The following FCRLB variants were observed in gnomAD, a reference collection of about 807,000 sequenced individuals.
FCRLB encodes Fc receptor-like B.
FCRLB carries 34 observed loss-of-function variants against 33.6 expected under a neutral mutation model. That is an observed-to-expected ratio of 1.01 (90% confidence interval 0.77 to 1.35). The LOEUF is 1.35. Ranked by LOEUF, FCRLB falls within the 40% of genes most tolerant of loss-of-function variation. FCRLB has a pLI of 0.00. For missense variants in FCRLB, 560 were observed against 580.2 expected, an observed-to-expected ratio of 0.97 and a Z score of 0.36; for synonymous variants, 280 against 255.9, an observed-to-expected ratio of 1.09 and a Z score of -0.90.
chr1:161,727,727 A>G (rs1259630843), exon 8 of FCRLB: 53 of 1,485,002 alleles, frequency 3.6e-5, no homozygotes, highest in Non-Finnish European at 4.7e-5. Flanking sequence ...CCTCACGCGA[A>G]TTTCTTTCAA....
At chr1:161,723,251 G>C in intron 4 of FCRLB, 116 bp from the exon 5 acceptor site, 1 of 1,319,526 alleles carries the variant, frequency 7.6e-7, no homozygotes, top group East Asian at 2.3e-5. Flanking sequence ...TAGTACATGG[G>C]CTGGGGCCTG....
rs752038802 is a variant in FCRLB, at chr1:161,726,920, G to A, written c.792G>A (p.Ser264=). 2 of 1,575,094 alleles carry A rather than the reference G, an allele frequency of 1.3e-6. No homozygotes were observed. The highest frequency in any genetic ancestry group is 1.8e-5 in the Admixed American group (1 of 54,194). ...AGCCCGAGGTCGAGGAGCTCGAATC[G>A]TACTGGTGCGAGGCGGCTACCGCCA... is the stretch of plus-strand genomic sequence containing the variant. Residue 264 remains serine, a synonymous_variant, in exon 7 of 8, where the codon TCG becomes TCA. Coordinates refer to ENST00000367948, the Ensembl canonical transcript of FCRLB. The surrounding 1 kb of genome is among the most constrained non-coding windows in gnomAD (Gnocchi z 5.2).
At position 161,727,304 on chromosome 1, in the gene FCRLB, C is replaced by T. The variant is rs578223998; in HGVS notation, c.923C>T (p.Ala308Val). 6.5e-5 allele frequency: 105 copies of T among 1,613,692 alleles called. No homozygotes were observed. The South Asian group carries it at 1.1e-3, about 17-fold the overall frequency. The change falls in exon 8 of 8, where the codon GCT becomes GTT. Residue 308 changes from alanine (A) to valine (V), a missense_variant. Physicochemically the swap from Ala to Val is moderately conservative, Grantham distance 64 (BLOSUM62 0). Transcript: ENST00000367948. ...CCAGCTCCATGGGCCGCAGCCTTGG[C>T]TCCTGGTAATAGGCCGCTTTCCTTC...
In FCRLB at chr1:161,723,012, G is replaced by A; in HGVS notation, c.52+3G>A. ...AGTTCCAAGCAGTGGGCAAGCTGGT[G>A]AGTCTTATAAATTTCTCATCCCAAT... On this transcript the variant is annotated splice_donor_region_variant and intron_variant, in intron 4 of 7. Coordinates refer to ENST00000367948, the Ensembl canonical transcript of FCRLB. 6.2e-7 allele frequency: 1 copy of A among 1,613,848 alleles called. No homozygotes were observed. The highest frequency in any genetic ancestry group is 8.5e-7 in the Non-Finnish European group (1 of 1,179,998).
In FCRLB at chr1:161,726,545, T is replaced by C. The variant is rs1438459040; in HGVS notation, c.575-158T>C. 6.5e-6 allele frequency: 7 copies of C among 1,075,558 alleles called. No individual in the cohort carries two copies. The highest frequency in any genetic ancestry group is 9.6e-6 in the Non-Finnish European group (7 of 727,216). 66.6% of individuals were successfully genotyped at this position (1,075,558 alleles called of 1,614,324 possible). On this transcript the variant is annotated intron_variant, in intron 6 of 7. Transcript: ENST00000367948. The surrounding 1 kb of genome is among the most constrained non-coding windows in gnomAD (Gnocchi z 5.2). ...GTGGACTCGGTCCCCCTGCCCCACA[T>C]TTCAGAAGGCTCCCCTTCCCCCTCC...
chr1:161,723,263 G>A, intron 4 of FCRLB, 104 bp from the exon 5 acceptor site: 1 of 1,424,808 alleles, frequency 7.0e-7, no homozygotes, highest in Non-Finnish European at 9.7e-7. Flanking sequence ...TGGGGCCTGC[G>A]AGCTGGGGTT....
At chr1:161,724,331 T>C (rs1468288931) in intron 5 of FCRLB, among the ~76,000 whole-genome samples, 1 of 151,192 alleles carries the variant, frequency 6.6e-6, no homozygotes, top group Non-Finnish European at 1.5e-5. Context: ...GGCTCAAGCC[T>C]GTGATCCCAG....
At chr1:161,722,768 G>C (rs1161794852) in intron 3 of FCRLB, 65 bp downstream of exon 3, 1 of 1,592,212 alleles carries the variant, frequency 6.3e-7, no homozygotes, top group Admixed American at 1.7e-5. Flanking sequence ...CCAAGGTATG[G>C]GGAGAGGAGG....
intron 5 of FCRLB, among the ~76,000 whole-genome samples, chr1:161,724,483 G>A (rs1454322495): frequency 6.6e-6 from 1 of 151,050 alleles, no homozygotes; most frequent in Non-Finnish European, 1.5e-5. Flanking sequence ...TGTAGTCCCA[G>A]CTACTCAGGA....
chr1:161,727,097 C>G (rs1357199418), intron 7 of FCRLB, 104 bp downstream of exon 7: 11 of 1,335,554 alleles, frequency 8.2e-6, no homozygotes, highest in Non-Finnish European at 1.1e-5. Flanking sequence ...CCGTCCCGCC[C>G]CCCGCCTTTC....
chr1:161,726,924 T>C lies in FCRLB; in HGVS notation c.796T>C (p.Trp266Arg), dbSNP rs1683597312. The C allele has an allele frequency of 6.4e-7, 1 of 1,568,080 alleles. No individual in the cohort carries two copies. Among genetic ancestry groups the C allele is most frequent in the Non-Finnish European group, 8.6e-7 (1 of 1,156,888 alleles). ...CGAGGTCGAGGAGCTCGAATCGTAC[T>C]GGTGCGAGGCGGCTACCGCCACCCG... The change falls in exon 7 of 8, where the codon TGG (tryptophan) becomes CGG (arginine). Residue 266 changes from tryptophan (W) to arginine (R), a missense_variant. Trp to Arg is a moderately radical substitution (Grantham distance 101). Transcript: ENST00000367948. The surrounding 1 kb of genome is among the most constrained non-coding windows in gnomAD (Gnocchi z 5.2).
chr1:161,723,756 T>G, intron 5 of FCRLB, 135 bp downstream of exon 5: 5 of 1,353,562 alleles, frequency 3.7e-6, no homozygotes, highest in Non-Finnish European at 5.0e-6. Flanking sequence ...CTTAAGTCTC[T>G]GGAGCAGGTA....
chr1:161,725,999 C>T (rs1252905061), exon 6 of FCRLB: 1 of 1,614,188 alleles, frequency 6.2e-7, no homozygotes, highest in East Asian at 2.2e-5. Flanking sequence ...GTGCCAGCGA[C>T]AGCGGGCGCT....
At chr1:161,724,095 A>G (rs1395853184) in intron 5 of FCRLB, among the ~76,000 whole-genome samples, 1 of 152,176 alleles carries the variant, frequency 6.6e-6, no homozygotes, top group Non-Finnish European at 1.5e-5. Flanking sequence ...CAATAATAGT[A>G]TGTATCTCTT....
chr1:161,722,976 T>C lies in FCRLB; in HGVS notation c.32-13T>C. 6.2e-7 allele frequency: 1 copy of C among 1,613,778 alleles called. No individual in the cohort carries two copies. The highest frequency in any genetic ancestry group is 8.5e-7 in the Non-Finnish European group (1 of 1,180,006). Reference sequence around the variant, plus strand: ...CTCCTTCTCCTTCCTCTTCCTTCTTTCCTGTTCTGCAGTTCCAAGCAGTGG... The same window carrying C: ...CTCCTTCTCCTTCCTCTTCCTTCTTCCCTGTTCTGCAGTTCCAAGCAGTGG... On this transcript the variant is annotated splice_polypyrimidine_tract_variant and intron_variant, in intron 3 of 7. Transcript: ENST00000367948.
exon 8 of FCRLB, chr1:161,727,409 C>A: frequency 3.7e-6 from 6 of 1,613,236 alleles, no homozygotes; most frequent in Non-Finnish European, 3.4e-6. Flanking sequence ...CAGTTCCCGG[C>A]GAGCGGCGCC....
intron 2 of FCRLB, among the ~76,000 whole-genome samples, chr1:161,722,192 C>T (rs957040269): frequency 6.6e-6 from 1 of 152,208 alleles, no homozygotes; most frequent in East Asian, 1.9e-4. Flanking sequence ...AGGTCTCATG[C>T]CAATGTCTGT....
chr1:161,727,081 T>TGGTTCCCGTCCCGCCCCCC, intron 7 of FCRLB, 88 bp downstream of exon 7: 1 of 784,324 alleles, frequency 1.3e-6, no homozygotes, highest in Non-Finnish European at 1.6e-6. Flanking sequence ...CCCCGCCCCC[T>TGGTTCCCGTCCCGCCCCCC]GGTTCCCGTC....
chr1:161,725,794 C>A, intron 5 of FCRLB, 27 bp from the exon 6 acceptor site: 2 of 1,572,698 alleles, frequency 1.3e-6, no homozygotes, highest in South Asian at 2.4e-5. Context: ...TCTGTGGAGT[C>A]AAGCGTGTCT....
Sources: allele counts gnomAD v4.1 joint callset (sites outside exome capture counted in the v4.1 genomes callset), GRCh38; gene constraint gnomAD v4.1.1; non-coding constraint Gnocchi (gnomAD v3.1); transcripts MANE v1.5; gene names NCBI Gene and HGNC (gene_info 2026-07-23, HGNC 2026-07-21).